ALDH1A1: variants seen among roughly 807,000 people sequenced by gnomAD.
ALDH1A1 encodes aldehyde dehydrogenase 1 family member A1.
A neutral mutation model predicts 62.1 loss-of-function variants in ALDH1A1; 19 were observed. The ratio of observed to expected loss-of-function variants is 0.31; its 90% confidence interval spans 0.21 to 0.45. ALDH1A1 has a LOEUF of 0.45. Among genes scored for constraint, ALDH1A1 ranks in the 20% least tolerant of loss-of-function variants. The pLI, the probability that ALDH1A1 is intolerant of heterozygous loss-of-function variation, is 1.00. For missense variants in ALDH1A1, 521 were observed against 607.1 expected, an observed-to-expected ratio of 0.86 and a Z score of 1.49; for synonymous variants, 231 against 215.9, an observed-to-expected ratio of 1.07 and a Z score of -0.61.
Position 72,901,129 on chromosome 9 carries a change from G to A in ALDH1A1, c.*79C>T, listed in dbSNP as rs934310763. On this transcript the variant is annotated 3_prime_UTR_variant, in exon 13 of 13. Transcript: ENST00000297785. ...AAAAAATCAAGAAAAGAAAAATTTT[G>A]TCTTTAAAATCTACTATATTAGTGA... 2.4e-5 allele frequency: 26 copies of A among 1,089,536 alleles called. No homozygotes were observed. The African/African-American group carries it at 3.7e-4, about 15-fold the overall frequency. The allele number at this position is 1,089,536 out of a possible 1,614,324, so 67.5% of individuals were successfully genotyped here.
At chr9:72,940,991 A>T (rs182513723) in intron 1 of ALDH1A1, among the ~76,000 whole-genome samples, 1 of 152,292 alleles carries the variant, frequency 6.6e-6, no homozygotes, top group Admixed American at 6.5e-5. Flanking sequence ...CTCAGTTTCA[A>T]CTTTCATGTC....
chr9:72,909,889 T>C lies in ALDH1A1; in HGVS notation c.1201-130A>G, dbSNP rs1829960168. 5.5e-6 allele frequency: 4 copies of C among 722,658 alleles called. No individual in the cohort carries two copies. In the East Asian group the frequency reaches 1.2e-4, roughly 22 times the overall value. The allele number at this position is 722,658 out of a possible 1,614,324, so 44.8% of individuals were successfully genotyped here. ...TTTTGCTTCTCATCTCAAACCTATGTGTGAGAATCCAAATAGGTAACTGCA... is the reference window on the plus strand; with the variant it reads ...TTTTGCTTCTCATCTCAAACCTATGCGTGAGAATCCAAATAGGTAACTGCA... On this transcript the variant is annotated intron_variant, in intron 10 of 12. Transcript: ENST00000297785.
intron 7 of ALDH1A1, among the ~76,000 whole-genome samples, chr9:72,919,027 G>T (rs1830100947): frequency 6.6e-6 from 1 of 151,918 alleles, no homozygotes; most frequent in South Asian, 2.1e-4. Context: ...TGCAACCTCC[G>T]CCTCCCGGGT....
intron 7 of ALDH1A1, among the ~76,000 whole-genome samples, chr9:72,920,252 T>C (rs1381925550): frequency 6.6e-6 from 1 of 152,176 alleles, no homozygotes; most frequent in Non-Finnish European, 1.5e-5. Flanking sequence ...TTAAATATTT[T>C]ATGTTTCTAA....
intron 1 of ALDH1A1, among the ~76,000 whole-genome samples, chr9:72,941,493 C>T (rs1311121899): frequency 6.6e-6 from 1 of 152,146 alleles, no homozygotes; most frequent in East Asian, 1.9e-4. Context: ...CTCCTCTATA[C>T]TTCCATTGGA....
intron 2 of ALDH1A1, among the ~76,000 whole-genome samples, chr9:72,936,825 G>A (rs1025682351): frequency 1.3e-5 from 2 of 151,804 alleles, no homozygotes; most frequent in African/African-American, 2.4e-5. Flanking sequence ...TTTGACCCCT[G>A]TTAAATGTTA....
At chr9:72,923,543 G>A (rs1830167413) in intron 7 of ALDH1A1, among the ~76,000 whole-genome samples, 1 of 152,128 alleles carries the variant, frequency 6.6e-6, no homozygotes, top group Non-Finnish European at 1.5e-5. Context: ...TCAAGCCAGA[G>A]AGGCAGAAAA....
intron 1 of ALDH1A1, among the ~76,000 whole-genome samples, chr9:72,949,846 A>AG (rs1830520752): frequency 6.6e-6 from 1 of 150,876 alleles, no homozygotes; most frequent in Admixed American, 6.6e-5. Context: ...TTATAAAAAA[A>AG]AAAAAAGAAA....
rs775563327 is a variant in ALDH1A1, at chr9:72,935,781, C to CTACT, written c.171+4363_171+4366dup. 2.0e-5 allele frequency among the ~76,000 whole-genome samples: 3 copies of CTACT among 152,106 alleles called. No individual in the cohort carries two copies. The South Asian group carries it at 6.2e-4, about 31-fold the overall frequency. On this transcript the variant is annotated intron_variant, in intron 2 of 12. Transcript: ENST00000297785. ...TATGTAGCCCATTGTTAGCCCCATT[C>CTACT]TACTTACAAATTAAATCCCTAAAAC...
rs149338986 is a variant in ALDH1A1 at position 72,904,928 on chromosome 9, C to T, written c.1433+1030G>A. 4.3e-4 allele frequency among the ~76,000 whole-genome samples: 66 copies of T among 152,202 alleles called. No individual in the cohort carries two copies. The East Asian group carries it at 0.012, about 28-fold the overall frequency. ...GTCATGTCTCTGGGGTTCCTAGGAC[C>T]TTACACATAGCAAGTGCTTAATAAA... On this transcript the variant is annotated intron_variant, in intron 12 of 12. Coordinates refer to ENST00000297785, the MANE Select transcript of ALDH1A1 (RefSeq NM_000689.5).
intron 3 of ALDH1A1, among the ~76,000 whole-genome samples, chr9:72,929,368 A>G (rs1028382777): frequency 3.3e-5 from 5 of 152,214 alleles, no homozygotes; most frequent in Non-Finnish European, 7.3e-5. Flanking sequence ...AATTCCAACA[A>G]GGTTTCTCTT....
intron 1 of ALDH1A1, among the ~76,000 whole-genome samples, chr9:72,944,541 C>T (rs1563917616): frequency 6.6e-6 from 1 of 151,948 alleles, no homozygotes; most frequent in Non-Finnish European, 1.5e-5. Flanking sequence ...AACTGTGTGA[C>T]CAAACGTTTT....
chr9:72,942,454 T>C, intron 1 of ALDH1A1: 2 of 843,012 alleles, frequency 2.4e-6, no homozygotes, highest in Non-Finnish European at 2.9e-6. Context: ...TTGTATCACT[T>C]TGTTCTATAC....
Position 72,917,108 on chromosome 9 carries a change from C to T in ALDH1A1, c.851-4G>A, listed in dbSNP as rs772971855. The T allele has an allele frequency of 6.8e-5, 103 of 1,517,582 alleles. No individual in the cohort carries two copies. In the South Asian group the frequency reaches 1.3e-3, roughly 19 times the overall value. 94.0% of individuals were successfully genotyped at this position (1,517,582 alleles called of 1,614,324 possible). On this transcript the variant is annotated splice_polypyrimidine_tract_variant and splice_region_variant and intron_variant, in intron 8 of 12. Coordinates refer to ENST00000297785, the MANE Select transcript of ALDH1A1 (RefSeq NM_000689.5). The stretch of plus-strand genomic sequence containing the variant: ...GCAAATTCAACAGCATTGTCCACTG[C>T]GAAGAAGACATTCACATTAAAGATA...
At chr9:72,927,886 C>A (rs1830230561) in intron 4 of ALDH1A1, among the ~76,000 whole-genome samples, 2 of 151,574 alleles carry the variant, frequency 1.3e-5, no homozygotes, top group South Asian at 4.2e-4. Flanking sequence ...AATTTATGTG[C>A]CCCGAAGTTT....
intron 3 of ALDH1A1, among the ~76,000 whole-genome samples, 175 bp downstream of exon 3, chr9:72,930,704 A>G (rs1458725157): frequency 6.6e-6 from 1 of 152,210 alleles, no homozygotes; most frequent in Admixed American, 6.5e-5. Flanking sequence ...ATTGAAATGC[A>G]GATTACTATT....
In ALDH1A1 at chr9:72,928,959, G is replaced by A; in HGVS notation, c.375C>T (p.Gly125=). The A allele has an allele frequency of 6.2e-7, 1 of 1,613,966 alleles. No homozygotes were observed. Among genetic ancestry groups the A allele is most frequent in the Non-Finnish European group, 8.5e-7 (1 of 1,179,916 alleles). ...CACAGTAGCGCAATGTTTTGATGCA[G>A]CCTGCTAAATCATTCAGATATGCAT... ...YSNAYLNDLA[G]CIKTLRYCAG... The change falls in exon 4 of 13, where the codon GGC becomes GGT. Residue 125 remains glycine, a synonymous_variant. Transcript: ENST00000297785.
chr9:72,952,829 T>G, intron 1 of ALDH1A1, 106 bp downstream of exon 1: 1 of 1,287,238 alleles, frequency 7.8e-7, no homozygotes, highest in Non-Finnish European at 1.1e-6. Context: ...TTTTTATATT[T>G]GCAAAGGGCT....
At chr9:72,906,414 C>T (rs1829879512) in intron 11 of ALDH1A1, among the ~76,000 whole-genome samples, 1 of 152,112 alleles carries the variant, frequency 6.6e-6, no homozygotes, top group East Asian at 1.9e-4. Flanking sequence ...GCTTGTAATT[C>T]TCTTGATGTT....
Sources: gnomAD v4.1 joint callset for allele counts (sites outside exome capture counted in the v4.1 genomes callset) on GRCh38, gnomAD v4.1.1 for gene constraint, MANE v1.5 for transcripts, NCBI Gene and HGNC (gene_info 2026-07-23, HGNC 2026-07-21) for gene names.